SLC45A4: variants seen among roughly 807,000 people sequenced by gnomAD.
The protein encoded by SLC45A4 is solute carrier family 45 member 4.
SLC45A4 carries 32 observed loss-of-function variants against 63.7 expected under a neutral mutation model. That is an observed-to-expected ratio of 0.50 (90% CI 0.38 to 0.67). The LOEUF (loss-of-function observed/expected upper bound fraction) is 0.67, where lower values mean the gene tolerates loss of function less well. SLC45A4 is among the 30% of genes least tolerant of loss of function. The probability of loss-of-function intolerance (pLI) is 0.00; values close to 1 mark genes in which losing one functional copy is unlikely to be tolerated. For synonymous variants in SLC45A4, 535 were observed against 510.0 expected, an observed-to-expected ratio of 1.05 and a Z score of -0.66; for missense variants, 1,027 against 1,157.7, an observed-to-expected ratio of 0.89 and a Z score of 1.64.
At chr8:141,219,585 C>T in intron 4 of SLC45A4, 65 bp downstream of exon 4, 1 of 1,528,142 alleles carries the variant, frequency 6.5e-7, no homozygotes, top group South Asian at 1.3e-5. Context: ...GGCTCCTGTC[C>T]CCTCCCCACA....
chr8:141,246,011 A>T (rs1041365050), intron 2 of SLC45A4, among the ~76,000 whole-genome samples: 13 of 152,158 alleles, frequency 8.5e-5, no homozygotes, highest in Non-Finnish European at 1.8e-4. Context: ...TTTCAAAGGG[A>T]AAGTTTTCTT....
Position 141,210,264 on chromosome 8 carries a change from C to A in SLC45A4, c.*1308G>T, listed in dbSNP as rs940616549. On this transcript the variant is annotated 3_prime_UTR_variant, in exon 9 of 9. Coordinates refer to ENST00000517878, the MANE Select transcript of SLC45A4 (RefSeq NM_001286646.2). ...GAGGTGAGGAAGCCAGGGGTGCCGT[C>A]CCCCAGAGAAGAAGGGCCACAGTGC... 1 of 152,318 alleles carries A rather than the reference C, an allele frequency of 6.6e-6. No homozygotes were observed. Among genetic ancestry groups the A allele is most frequent in the Admixed American group, 6.5e-5 (1 of 15,292 alleles). 9.4% of individuals were successfully genotyped at this position (152,318 alleles called of 1,614,324 possible).
chr8:141,260,742 C>T (rs1042451381), intron 1 of SLC45A4, among the ~76,000 whole-genome samples: 1 of 152,076 alleles, frequency 6.6e-6, no homozygotes, highest in Admixed American at 6.5e-5. Flanking sequence ...AATAGCTTAC[C>T]AACCAAAAAA....
At chr8:141,244,962 G>T (rs117887290) in intron 2 of SLC45A4, among the ~76,000 whole-genome samples, 15 of 119,634 alleles carry the variant, frequency 1.3e-4, no homozygotes, top group African/African-American at 4.0e-4. Flanking sequence ...GTGGGTGGGG[G>T]GGGGGGGCGG....
chr8:141,243,150 C>T (rs1456158665), intron 2 of SLC45A4, among the ~76,000 whole-genome samples: 2 of 152,228 alleles, frequency 1.3e-5, no homozygotes, highest in Admixed American at 1.3e-4. Context: ...GTCCTCCCCA[C>T]CGGGCCACCA....
At chr8:141,283,239 G>C (rs1023749749) in intron 1 of SLC45A4, among the ~76,000 whole-genome samples, 1 of 152,206 alleles carries the variant, frequency 6.6e-6, no homozygotes, top group Non-Finnish European at 1.5e-5. Context: ...GGGAGCCCAG[G>C]CTACGACACC....
chr8:141,290,042 G>C (rs977136782), intron 1 of SLC45A4, among the ~76,000 whole-genome samples: 2 of 151,234 alleles, frequency 1.3e-5, no homozygotes, highest in Non-Finnish European at 3.0e-5. Context: ...GAAGTAAAAA[G>C]CAAAAAACAT....
At chr8:141,281,672 C>T (rs1033569254) in intron 1 of SLC45A4, among the ~76,000 whole-genome samples, 3 of 152,096 alleles carry the variant, frequency 2.0e-5, no homozygotes, top group Non-Finnish European at 4.4e-5. Context: ...CTGAAAGAGA[C>T]AAAAAACACA....
chr8:141,283,271 C>A (rs754142048), intron 1 of SLC45A4, among the ~76,000 whole-genome samples: 1 of 152,192 alleles, frequency 6.6e-6, no homozygotes, highest in African/African-American at 2.4e-5. Context: ...GCAGCCTCTG[C>A]GAACATGAGG....
At chr8:141,224,576 G>C (rs1224428785) in intron 2 of SLC45A4, 5 of 152,246 alleles carry the variant, frequency 3.3e-5, no homozygotes, top group African/African-American at 1.2e-4. Context: ...TCAGCCTCTC[G>C]AGTAGCTGGG....
intron 1 of SLC45A4, among the ~76,000 whole-genome samples, chr8:141,292,452 C>A (rs902210196): frequency 6.6e-6 from 1 of 152,266 alleles, no homozygotes; most frequent in Admixed American, 6.5e-5. Flanking sequence ...GAGCCCCGCA[C>A]GCGCCCAGGG....
intron 2 of SLC45A4, chr8:141,226,642 T>C (rs1199578838): frequency 1.3e-5 from 2 of 152,338 alleles, no homozygotes; most frequent in Admixed American, 6.5e-5. Flanking sequence ...GCAGACACCA[T>C]GAGCAGGTCA....
At chr8:141,231,275 C>G (rs1827333863) in intron 2 of SLC45A4, among the ~76,000 whole-genome samples, 2 of 152,150 alleles carry the variant, frequency 1.3e-5, no homozygotes, top group South Asian at 4.1e-4. Flanking sequence ...AGAGTGTGGC[C>G]CCTCGCGCCA....
intron 1 of SLC45A4, among the ~76,000 whole-genome samples, chr8:141,258,332 G>A (rs1828899532): frequency 6.6e-6 from 1 of 152,188 alleles, no homozygotes. Context: ...ACGACCCGAG[G>A]CCAGGAGTGT....
chr8:141,272,021 A>ACGCAACACACACCTGCGTG (rs1563664341), intron 1 of SLC45A4, among the ~76,000 whole-genome samples: 3 of 152,088 alleles, frequency 2.0e-5, no homozygotes, highest in African/African-American at 7.2e-5. Flanking sequence ...ACACCTGCGT[A>ACGCAACACACACCTGCGTG]CACACATGCA....
intron 1 of SLC45A4, among the ~76,000 whole-genome samples, chr8:141,295,416 ATC>A (rs576860647): frequency 1.3e-5 from 2 of 152,192 alleles, no homozygotes; most frequent in South Asian, 2.1e-4. Flanking sequence ...CTCCATGAAG[ATC>A]TCTCTCTTTT....
intron 1 of SLC45A4, among the ~76,000 whole-genome samples, chr8:141,285,663 G>A (rs984326449): frequency 1.3e-5 from 2 of 152,192 alleles, no homozygotes; most frequent in Non-Finnish European, 2.9e-5. Flanking sequence ...GGGAAGCGCC[G>A]CCCTGGGATA....
At chr8:141,277,084 G>A (rs1487260620) in intron 1 of SLC45A4, among the ~76,000 whole-genome samples, 3 of 152,218 alleles carry the variant, frequency 2.0e-5, no homozygotes, top group East Asian at 1.9e-4. Flanking sequence ...AAGGATGCCC[G>A]GCACAGGGGT....
At chr8:141,296,500 TA>T (rs35777679) in intron 1 of SLC45A4, among the ~76,000 whole-genome samples, 31,316 of 107,620 alleles carry the variant, frequency 0.29, 4,321 homozygotes, top group Admixed American at 0.39. Context: ...CCTCATTTCT[TA>T]AAAAAAAAAA....
Sources: gnomAD v4.1 joint callset for allele counts (sites outside exome capture counted in the v4.1 genomes callset) on GRCh38, gnomAD v4.1.1 for gene constraint, MANE v1.5 for transcripts, NCBI Gene and HGNC (gene_info 2026-07-23, HGNC 2026-07-21) for gene names.